Variants in SLC4A4 observed in about 807,000 individuals in gnomAD.
The protein encoded by SLC4A4 is electrogenic sodium bicarbonate cotransporter 1.
Under a neutral mutation model 111.5 loss-of-function variants are expected in SLC4A4, and 27 were observed. The observed-to-expected ratio is 0.24, with a 90% CI of 0.18 to 0.33. The LOEUF (loss-of-function observed/expected upper bound fraction) is 0.33. Among genes scored for constraint, SLC4A4 ranks in the 10% least tolerant of loss-of-function variants. SLC4A4 has a pLI of 1.00. For missense variants in SLC4A4, 909 were observed against 1,315.5 expected, an observed-to-expected ratio of 0.69 and a Z score of 4.78; for synonymous variants, 443 against 463.4, an observed-to-expected ratio of 0.96 and a Z score of 0.57.
intron 1 of SLC4A4, among the ~76,000 whole-genome samples, chr4:71,063,752 G>C (rs562386657): frequency 5.2e-4 from 79 of 152,204 alleles, no homozygotes; most frequent in African/African-American, 1.4e-3. Context: ...ACTTCGTCTT[G>C]TGTGTAGTGG....
At chr4:71,474,946 T>C (rs938984711) in intron 14 of SLC4A4, among the ~76,000 whole-genome samples, 2 of 151,772 alleles carry the variant, frequency 1.3e-5, no homozygotes, top group Admixed American at 6.6e-5. Flanking sequence ...CTCAACTATA[T>C]GGAGCTCTTC....
At position 71,193,382 on chromosome 4, in the gene SLC4A4, A is replaced by G. The variant is rs557845347; in HGVS notation, c.-2+5981A>G. ...CACCGTGTTAGCCAGGATGGTCTCGATCTCCTGACCTCGTGATCCGCCCGC... is the reference window on the plus strand; with the variant it reads ...CACCGTGTTAGCCAGGATGGTCTCGGTCTCCTGACCTCGTGATCCGCCCGC... On this transcript the variant is annotated intron_variant, in intron 1 of 25. Coordinates refer to ENST00000264485, the MANE Select transcript of SLC4A4 (RefSeq NM_001098484.3). Among the ~76,000 whole-genome samples the G allele has an allele frequency of 1.3e-3, 192 of 152,234 alleles. 3 individuals carry two copies. Among genetic ancestry groups the G allele is most frequent in the Non-Finnish European group, 2.1e-4 (14 of 68,020 alleles).
chr4:71,554,436 A>G (rs1736289465), intron 20 of SLC4A4, among the ~76,000 whole-genome samples: 1 of 151,868 alleles, frequency 6.6e-6, no homozygotes, highest in East Asian at 1.9e-4. Context: ...CAGTTTACAG[A>G]CATCACTTCT....
At chr4:71,223,879 C>T (rs1456411740) in intron 1 of SLC4A4, among the ~76,000 whole-genome samples, 7 of 152,100 alleles carry the variant, frequency 4.6e-5, no homozygotes, top group Admixed American at 1.3e-4. Flanking sequence ...CAGATTTTCT[C>T]AGTCTGCTTC....
In SLC4A4 at chr4:71,454,091, A is replaced by G. The variant is rs959820416; in HGVS notation, c.1497+422A>G. ...ACACATGAGCAAATAGCTTCCAACC[A>G]TTGAGCGATTTGCTCAAAGTTGGGT... On this transcript the variant is annotated intron_variant, in intron 12 of 25. Coordinates refer to ENST00000264485, the MANE Select transcript of SLC4A4 (RefSeq NM_001098484.3). Among the ~76,000 whole-genome samples the G allele has an allele frequency of 2.0e-5, 3 of 152,124 alleles. 1 individual carries two copies. The highest frequency in any genetic ancestry group is 4.1e-4 in the South Asian group (2 of 4,826).
intron 16 of SLC4A4, among the ~76,000 whole-genome samples, chr4:71,513,268 G>A (rs1468761170): frequency 6.6e-6 from 1 of 152,092 alleles, no homozygotes; most frequent in Admixed American, 6.5e-5. Context: ...TGATCCATGA[G>A]TGTGGGAAGT....
chr4:71,165,795 C>T (rs1199896715), intron 2 of SLC4A4, among the ~76,000 whole-genome samples: 1 of 151,850 alleles, frequency 6.6e-6, no homozygotes, highest in East Asian at 1.9e-4. Flanking sequence ...CCCAATGAGT[C>T]CCAAAATAAA....
intron 18 of SLC4A4, among the ~76,000 whole-genome samples, chr4:71,545,530 A>G (rs944976312): frequency 6.6e-6 from 1 of 152,030 alleles, no homozygotes; most frequent in Admixed American, 6.6e-5. Flanking sequence ...CCATAGAATA[A>G]CATTGCGGAC....
intron 4 of SLC4A4, 95 bp from the exon 5 acceptor site, chr4:71,349,817 G>A: frequency 4.5e-6 from 5 of 1,117,186 alleles, no homozygotes; most frequent in Non-Finnish European, 6.8e-6. Context: ...CATTTTGGAA[G>A]TGCTGGAAGG....
intron 5 of SLC4A4, among the ~76,000 whole-genome samples, chr4:71,351,517 A>C (rs1012117689): frequency 6.6e-6 from 1 of 152,230 alleles, no homozygotes; most frequent in African/African-American, 2.4e-5. Context: ...CTAATAAGTG[A>C]AAGTGAATGT....
At chr4:71,404,862 C>G (rs1160331363) in intron 7 of SLC4A4, among the ~76,000 whole-genome samples, 1 of 152,066 alleles carries the variant, frequency 6.6e-6, no homozygotes, top group Non-Finnish European at 1.5e-5. Flanking sequence ...GTGGCACAAT[C>G]TTGGCTCACT....
intron 2 of SLC4A4, among the ~76,000 whole-genome samples, chr4:71,128,112 A>G (rs1456100432): frequency 1.3e-5 from 2 of 152,232 alleles, no homozygotes; most frequent in African/African-American, 2.4e-5. Flanking sequence ...TGATAAAGAC[A>G]TACCTGAAAC....
intron 2 of SLC4A4, among the ~76,000 whole-genome samples, chr4:71,107,558 C>G (rs554294759): frequency 2.4e-4 from 36 of 152,188 alleles, no homozygotes; most frequent in African/African-American, 8.2e-4. Flanking sequence ...CCATGTTGGC[C>G]AGGCTGGTCT....
At chr4:71,279,051 C>A (rs1723295605) in intron 3 of SLC4A4, among the ~76,000 whole-genome samples, 2 of 152,256 alleles carry the variant, frequency 1.3e-5, no homozygotes, top group South Asian at 4.2e-4. Context: ...TTTACATATT[C>A]ATCACTCATG....
intron 11 of SLC4A4, among the ~76,000 whole-genome samples, chr4:71,453,024 G>A (rs978743742): frequency 7.2e-5 from 11 of 152,108 alleles, no homozygotes; most frequent in African/African-American, 2.4e-4. Flanking sequence ...TATGTCCTCA[G>A]CACTCAGAAG....
At chr4:71,295,227 T>C (rs943032177) in intron 3 of SLC4A4, among the ~76,000 whole-genome samples, 3 of 152,134 alleles carry the variant, frequency 2.0e-5, no homozygotes, top group Admixed American at 2.0e-4. Flanking sequence ...TTTTGAGTCT[T>C]TTCCCATGAT....
chr4:71,459,203 G>A (rs533743137), intron 12 of SLC4A4, among the ~76,000 whole-genome samples: 1 of 152,064 alleles, frequency 6.6e-6, no homozygotes, highest in Middle Eastern at 3.4e-3. Context: ...TTGATGATCA[G>A]AAAATGATAG....
chr4:71,103,044 C>A (rs983582501), intron 2 of SLC4A4, among the ~76,000 whole-genome samples: 1 of 151,064 alleles, frequency 6.6e-6, no homozygotes, highest in Non-Finnish European at 1.5e-5. Flanking sequence ...TGCAGAGACA[C>A]ACATAGGCTC....
At chr4:71,555,229 G>T in intron 21 of SLC4A4, 21 bp downstream of exon 21, 1 of 1,478,854 alleles carries the variant, frequency 6.8e-7, no homozygotes, top group Admixed American at 1.7e-5. Flanking sequence ...GAATAGCAAT[G>T]TAAGTACAGT....
Sources: allele counts gnomAD v4.1 joint callset (sites outside exome capture counted in the v4.1 genomes callset), GRCh38; gene constraint gnomAD v4.1.1; transcripts MANE v1.5; gene names NCBI Gene and HGNC (gene_info 2026-07-23, HGNC 2026-07-21).